ENTREP1: variants seen among roughly 807,000 people sequenced by gnomAD.
The protein encoded by ENTREP1 is Friedreich ataxia region gene X123.
chr9:69,334,417 A>T, the ENTREP1 span, among the ~76,000 whole-genome samples: 112,848 of 152,092 alleles, frequency 0.74, 42,045 homozygotes, highest in South Asian at 0.8. Context: ...CTGCAGAATG[A>T]TTACTCTCAG....
the ENTREP1 span, among the ~76,000 whole-genome samples, chr9:69,339,886 A>G: frequency 6.6e-6 from 1 of 152,134 alleles, no homozygotes; most frequent in Non-Finnish European, 1.5e-5. Flanking sequence ...GCCCCTAGCC[A>G]TATCCCAGCA....
the ENTREP1 span, chr9:69,371,619 C>G: frequency 6.5e-7 from 1 of 1,547,358 alleles, no homozygotes; most frequent in Non-Finnish European, 8.9e-7. Flanking sequence ...GGTAAGCAGT[C>G]CTAAAACATC....
At chr9:69,341,032 T>G in the ENTREP1 span, among the ~76,000 whole-genome samples, 1 of 152,170 alleles carries the variant, frequency 6.6e-6, no homozygotes, top group African/African-American at 2.4e-5. Flanking sequence ...CTTAATAAGA[T>G]TTTAAAAAAA....
chr9:69,339,942 A>C, the ENTREP1 span, among the ~76,000 whole-genome samples: 6,925 of 152,128 alleles, frequency 0.046, 197 homozygotes, highest in African/African-American at 0.079. Flanking sequence ...TGTACCTTAC[A>C]TTTGTTGCCT....
chr9:69,339,379 A>C, the ENTREP1 span, among the ~76,000 whole-genome samples: 2 of 152,146 alleles, frequency 1.3e-5, no homozygotes, highest in African/African-American at 4.8e-5. Context: ...GTTATGTCAC[A>C]AAAGGGAAAA....
the ENTREP1 span, chr9:69,375,915 A>G: frequency 6.4e-7 from 1 of 1,563,652 alleles, no homozygotes; most frequent in South Asian, 1.2e-5. Context: ...CGGAGCCCCC[A>G]AAGAAGGCAA....
At chr9:69,390,058 G>C in the ENTREP1 span, among the ~76,000 whole-genome samples, 5 of 152,214 alleles carry the variant, frequency 3.3e-5, no homozygotes, top group Non-Finnish European at 7.3e-5. Context: ...GCATCTTGGA[G>C]TTTTTAGATC....
At chr9:69,361,061 G>T in the ENTREP1 span, among the ~76,000 whole-genome samples, 2 of 151,804 alleles carry the variant, frequency 1.3e-5, no homozygotes, top group African/African-American at 2.4e-5. Flanking sequence ...AGCTGTGGTT[G>T]AGATTTTCTT....
the ENTREP1 span, chr9:69,384,105 C>T: frequency 9.2e-7 from 1 of 1,088,286 alleles, no homozygotes. Context: ...TCTCTGTAAT[C>T]CCAGCACTTT....
chr9:69,346,086 G>A, the ENTREP1 span, among the ~76,000 whole-genome samples: 2 of 151,772 alleles, frequency 1.3e-5, no homozygotes, highest in South Asian at 2.1e-4. Context: ...GGGTTCAAGC[G>A]ATTCTCCTGT....
chr9:69,363,908 G>T, the ENTREP1 span, among the ~76,000 whole-genome samples: 1 of 152,174 alleles, frequency 6.6e-6, no homozygotes, highest in Non-Finnish European at 1.5e-5. Context: ...GATGTCAGTG[G>T]TCCAGTGTAG....
chr9:69,366,209 A>G, the ENTREP1 span, among the ~76,000 whole-genome samples: 1 of 152,048 alleles, frequency 6.6e-6, no homozygotes, highest in Non-Finnish European at 1.5e-5. Flanking sequence ...TGTCTTTTTG[A>G]TAATAGCCAT....
chr9:69,342,250 G>A, the ENTREP1 span, among the ~76,000 whole-genome samples: 1 of 152,100 alleles, frequency 6.6e-6, no homozygotes, highest in African/African-American at 2.4e-5. Context: ...TTCCTTTTAT[G>A]TAGATAAGAG....
chr9:69,369,529 C>T, the ENTREP1 span, among the ~76,000 whole-genome samples: 1 of 151,840 alleles, frequency 6.6e-6, no homozygotes. Context: ...GCCATTCTAA[C>T]TGGCATGAGA....
At chr9:69,340,666 C>CGCATGTGTGTGTGCAT in the ENTREP1 span, among the ~76,000 whole-genome samples, 1 of 108,650 alleles carries the variant, frequency 9.2e-6, no homozygotes, top group Non-Finnish European at 1.8e-5. Flanking sequence ...TGTGTGTGTG[C>CGCATGTGTGTGTGCAT]GTGTGTGTGT....
chr9:69,354,254 ATT>A, the ENTREP1 span, among the ~76,000 whole-genome samples: 7,743 of 105,328 alleles, frequency 0.074, 114 homozygotes, highest in Middle Eastern at 0.13. Flanking sequence ...CTATTGCAAC[ATT>A]TTTTTTTTTT....
the ENTREP1 span, among the ~76,000 whole-genome samples, chr9:69,341,240 A>G: frequency 6.6e-6 from 1 of 152,102 alleles, no homozygotes; most frequent in Admixed American, 6.5e-5. Context: ...TGATAAAGGG[A>G]CAGCTCCATA....
chr9:69,368,229 G>T, the ENTREP1 span, among the ~76,000 whole-genome samples: 6 of 152,024 alleles, frequency 3.9e-5, no homozygotes, highest in Non-Finnish European at 7.4e-5. Context: ...TTCTAGTACT[G>T]TGTTGAATAG....
At chr9:69,328,700 G>A in the ENTREP1 span, among the ~76,000 whole-genome samples, 1 of 151,932 alleles carries the variant, frequency 6.6e-6, no homozygotes, top group Non-Finnish European at 1.5e-5. Context: ...GAGAACTGCA[G>A]AATTAAAAAA....
Sources: allele counts gnomAD v4.1 joint callset (sites outside exome capture counted in the v4.1 genomes callset), GRCh38; gene constraint gnomAD v4.1.1; transcripts MANE v1.5; gene names NCBI Gene and HGNC (gene_info 2026-07-23, HGNC 2026-07-21).